The following PDE4D variants were observed in gnomAD, a reference collection of about 807,000 sequenced individuals.
PDE4D encodes phosphodiesterase 4D.
In PDE4D, 24 loss-of-function variants were observed where a neutral mutation model predicts 87.4. The observed-to-expected ratio is 0.27, with a 90% CI of 0.20 to 0.39. The LOEUF (loss-of-function observed/expected upper bound fraction) is 0.39, where lower values mean the gene tolerates loss of function less well. Ranked by LOEUF, PDE4D falls within the 10% of genes least tolerant of loss-of-function variation. PDE4D has a pLI of 1.00. For missense variants in PDE4D, 714 were observed against 1,041.0 expected (o/e 0.69, Z 4.32); for synonymous variants, 384 against 383.2 (o/e 1.00, Z -0.02).
chr5:59,084,063 A>G (rs1487771938), intron 5 of PDE4D, among the ~76,000 whole-genome samples: 1 of 152,070 alleles, frequency 6.6e-6, no homozygotes, highest in African/African-American at 2.4e-5. Flanking sequence ...AGGAAATTCT[A>G]AAAAATAAGA....
intron 1 of PDE4D, among the ~76,000 whole-genome samples, chr5:60,276,310 C>T (rs1463678208): frequency 6.6e-6 from 1 of 152,138 alleles, no homozygotes; most frequent in African/African-American, 2.4e-5. Context: ...GCTCTGTTGT[C>T]TGCATATGCA....
rs1340943239 is a variant in PDE4D at position 58,973,967 on chromosome 5, T to TGAAAACTTGCAAGTTACTCCTTA, written c.*674_*696dup. Reference sequence around the variant, plus strand: ...TATCCAGTGTAGCACAGATTTGTACTGAAAACTTGCAAGTTACTCCTTAGA... The same window carrying TGAAAACTTGCAAGTTACTCCTTA: ...TATCCAGTGTAGCACAGATTTGTACTGAAAACTTGCAAGTTACTCCTTAGAAAACTTGCAAGTTACTCCTTAGA... On this transcript the variant is annotated 3_prime_UTR_variant, in exon 15 of 15. Transcript: ENST00000340635. The TGAAAACTTGCAAGTTACTCCTTA allele has an allele frequency of 6.6e-6, 1 of 152,656 alleles. No homozygotes were observed. The highest frequency in any genetic ancestry group is 2.4e-5 in the African/African-American group (1 of 41,452). 9.5% of individuals were successfully genotyped at this position (152,656 alleles called of 1,614,324 possible).
Position 59,397,524 on chromosome 5 carries a change from G to GA in PDE4D, c.456-181557dup, listed in dbSNP as rs764337459. On this transcript the variant is annotated intron_variant, in intron 1 of 14. Coordinates refer to ENST00000340635, the MANE Select transcript of PDE4D (RefSeq NM_001104631.2). ...GAAGGCAGAAATAAAGATGTTCTTTGAAACCAACGAGAACAAAGACACAAC... is the reference window on the plus strand; with the variant it reads ...GAAGGCAGAAATAAAGATGTTCTTTGAAAACCAACGAGAACAAAGACACAAC... Among the ~76,000 whole-genome samples, 12 of 114,838 alleles carry GA rather than the reference G, an allele frequency of 1.0e-4. 3 individuals are homozygous for GA. In the East Asian group the frequency reaches 2.7e-3, roughly 26 times the overall value. 75.3% of individuals were successfully genotyped at this position (114,838 alleles called of 152,430 possible).
At chr5:60,219,012 C>T (rs930278870) in intron 1 of PDE4D, among the ~76,000 whole-genome samples, 19 of 152,108 alleles carry the variant, frequency 1.2e-4, no homozygotes, top group South Asian at 2.1e-4. Flanking sequence ...AAATTACCTT[C>T]GAAAAACCCA....
chr5:59,646,810 C>T (rs766182628), intron 1 of PDE4D, among the ~76,000 whole-genome samples: 3 of 152,022 alleles, frequency 2.0e-5, no homozygotes, highest in South Asian at 2.1e-4. Flanking sequence ...CCAAGGCAGG[C>T]GGATCATGAG....
chr5:60,048,771 C>T lies in PDE4D; in HGVS notation c.43-60054G>A, dbSNP rs1341847856. ...GATGGGCTTCCCTTTGAGGGTAACC[C>T]GACCTTTCTCTCTGGCTGCCCTTAA... On this transcript the variant is annotated intron_variant, in intron 2 of 16. Transcript: ENST00000502484. Among the ~76,000 whole-genome samples the T allele has an allele frequency of 4.6e-5, 7 of 151,986 alleles. No individual in the cohort carries two copies. In the East Asian group the frequency reaches 5.8e-4, roughly 13 times the overall value.
chr5:59,272,495 A>C (rs1310349252), intron 1 of PDE4D, among the ~76,000 whole-genome samples: 1 of 152,096 alleles, frequency 6.6e-6, no homozygotes, highest in African/African-American at 2.4e-5. Context: ...GAGCATAAGA[A>C]AATATATAAA....
intron 1 of PDE4D, among the ~76,000 whole-genome samples, chr5:59,226,000 A>T (rs1323234641): frequency 3.3e-5 from 5 of 151,978 alleles, no homozygotes; most frequent in African/African-American, 4.8e-5. Flanking sequence ...TAAAAAAAAA[A>T]ACCTGTTGGC....
At chr5:59,757,314 C>A (rs892880445) in intron 1 of PDE4D, among the ~76,000 whole-genome samples, 1 of 152,170 alleles carries the variant, frequency 6.6e-6, no homozygotes, top group Non-Finnish European at 1.5e-5. Context: ...TCAAATGTTT[C>A]CACTTTGTTT....
rs1034199440 is a variant in PDE4D, at chr5:60,075,670, C to T, written c.43-86953G>A. 5.3e-5 allele frequency among the ~76,000 whole-genome samples: 8 copies of T among 152,264 alleles called. 1 individual carries two copies. The East Asian group carries it at 1.5e-3, about 29-fold the overall frequency. Reference sequence around the variant, plus strand: ...ATGAGTCATAGATTTGGTCTCTTTACATAATATCTTATTTCTTGGAGGTTT... The same window carrying T: ...ATGAGTCATAGATTTGGTCTCTTTATATAATATCTTATTTCTTGGAGGTTT... On this transcript the variant is annotated intron_variant, in intron 2 of 16. Transcript: ENST00000502484.
At chr5:60,509,399 A>G (rs1750470208) in intron 1 of PDE4D, among the ~76,000 whole-genome samples, 1 of 152,244 alleles carries the variant, frequency 6.6e-6, no homozygotes, top group Non-Finnish European at 1.5e-5. Context: ...ACGCTCGTCC[A>G]CAAATGACTG....
chr5:59,996,470 T>A (rs1241067384), intron 2 of PDE4D, among the ~76,000 whole-genome samples: 1 of 152,210 alleles, frequency 6.6e-6, no homozygotes, highest in African/African-American at 2.4e-5. Context: ...TTAAAAGTCA[T>A]ATTTGCAATC....
intron 1 of PDE4D, among the ~76,000 whole-genome samples, chr5:59,545,686 G>C (rs557182016): frequency 3.9e-5 from 6 of 152,268 alleles, no homozygotes; most frequent in Non-Finnish European, 7.4e-5. Context: ...GAACTTTGAA[G>C]AGCTATATTG....
chr5:59,262,539 C>CA (rs1762196268), intron 1 of PDE4D, among the ~76,000 whole-genome samples: 2 of 151,642 alleles, frequency 1.3e-5, no homozygotes, highest in Admixed American at 1.3e-4. Flanking sequence ...GTTCACAATA[C>CA]AAGAAGGTAA....
chr5:60,070,183 A>G (rs1290661464), intron 2 of PDE4D, among the ~76,000 whole-genome samples: 1 of 151,828 alleles, frequency 6.6e-6, no homozygotes, highest in African/African-American at 2.4e-5. Context: ...TTTTTTTCTT[A>G]CCCAATTGCT....
At chr5:59,139,246 G>A (rs1160743105) in intron 5 of PDE4D, among the ~76,000 whole-genome samples, 5 of 152,302 alleles carry the variant, frequency 3.3e-5, no homozygotes, top group African/African-American at 1.2e-4. Context: ...GGCTTTTTAT[G>A]TTTGGTATCT....
intron 1 of PDE4D, among the ~76,000 whole-genome samples, chr5:60,395,846 C>T (rs1386687165): frequency 1.3e-5 from 2 of 152,210 alleles, no homozygotes; most frequent in South Asian, 2.1e-4. Context: ...GGTGCCCATT[C>T]CATGAGTTGT....
chr5:59,871,063 C>T (rs1041512532), intron 1 of PDE4D, among the ~76,000 whole-genome samples: 1 of 152,184 alleles, frequency 6.6e-6, no homozygotes, highest in African/African-American at 2.4e-5. Flanking sequence ...CTTACACTAT[C>T]TCCTCCCAGA....
At chr5:59,207,437 T>C (rs1749040365) in intron 2 of PDE4D, among the ~76,000 whole-genome samples, 1 of 152,036 alleles carries the variant, frequency 6.6e-6, no homozygotes, top group South Asian at 2.1e-4. Context: ...GTCCTTCATC[T>C]AGGGGCCGTG....
Sources: gnomAD v4.1 joint callset for allele counts (sites outside exome capture counted in the v4.1 genomes callset) on GRCh38, gnomAD v4.1.1 for gene constraint, MANE v1.5 for transcripts, NCBI Gene and HGNC (gene_info 2026-07-23, HGNC 2026-07-21) for gene names.